Variants in ENPP2 observed in about 807,000 individuals in gnomAD.
ENPP2 encodes ectonucleotide pyrophosphatase/phosphodiesterase 2.
A neutral mutation model predicts 120.2 loss-of-function variants in ENPP2; 51 were observed. That is an observed-to-expected ratio of 0.42 (90% CI 0.34 to 0.54). The LOEUF is 0.54. Ranked by LOEUF, ENPP2 falls within the 20% of genes least tolerant of loss-of-function variation. ENPP2 has a pLI of 0.04. For missense variants in ENPP2, 920 were observed against 1,066.5 expected, an observed-to-expected ratio of 0.86 and a Z score of 1.91; for synonymous variants, 365 against 366.4, an observed-to-expected ratio of 1.00 and a Z score of 0.04.
rs530809989 is a variant in ENPP2, at chr8:119,574,694, G to C, written c.1781-3853C>G. Among the ~76,000 whole-genome samples, 4 of 152,148 alleles carry C rather than the reference G, an allele frequency of 2.6e-5. No individual in the cohort carries two copies. In the East Asian group the frequency reaches 7.7e-4, roughly 29 times the overall value. On this transcript the variant is annotated intron_variant, in intron 19 of 24. Transcript: ENST00000075322. ...TTCCCACAGATGAGCAGGCTGTCTTGAGAGCCACATGAAAATCTCTCCTCT... is the reference window on the plus strand; with the variant it reads ...TTCCCACAGATGAGCAGGCTGTCTTCAGAGCCACATGAAAATCTCTCCTCT...
At chr8:119,640,937 G>C (rs1023073448), upstream of ENPP2, among the ~76,000 whole-genome samples, 5 of 152,082 alleles carry the variant, frequency 3.3e-5, no homozygotes, top group Admixed American at 1.3e-4. Flanking sequence ...AATACAGACA[G>C]GGTTTCACCA....
At chr8:119,575,727 CTTG>C (rs1475532987) in intron 19 of ENPP2, among the ~76,000 whole-genome samples, 1 of 152,154 alleles carries the variant, frequency 6.6e-6, no homozygotes, top group Non-Finnish European at 1.5e-5. Context: ...TGTGAAGTGG[CTTG>C]TTTAGTTTTA....
intron 1 of ENPP2, among the ~76,000 whole-genome samples, chr8:119,658,513 A>T (rs1162074007): frequency 6.6e-6 from 1 of 152,232 alleles, no homozygotes; most frequent in Non-Finnish European, 1.5e-5. Flanking sequence ...AGTCAGGCAC[A>T]TCTAGGTTCA....
chr8:119,624,265 A>T (rs1050207833), intron 3 of ENPP2, among the ~76,000 whole-genome samples: 1 of 152,216 alleles, frequency 6.6e-6, no homozygotes, highest in Non-Finnish European at 1.5e-5. Context: ...AGGACAAGTC[A>T]GTCATCTGTG....
chr8:119,609,695 A>G (rs186918825), intron 8 of ENPP2, among the ~76,000 whole-genome samples: 1 of 152,146 alleles, frequency 6.6e-6, no homozygotes, highest in African/African-American at 2.4e-5. Context: ...AGTTCCTTAT[A>G]TTAAGGGATC....
At chr8:119,631,017 C>G (rs1261034270) in intron 2 of ENPP2, among the ~76,000 whole-genome samples, 1 of 150,908 alleles carries the variant, frequency 6.6e-6, no homozygotes, top group Admixed American at 6.6e-5. Context: ...GCCTCAGCCT[C>G]CCGAGTAGCT....
chr8:119,650,769 G>T (rs1243207441), intron 1 of ENPP2, among the ~76,000 whole-genome samples: 1 of 152,152 alleles, frequency 6.6e-6, no homozygotes, highest in Non-Finnish European at 1.5e-5. Flanking sequence ...GTTTGTCAGA[G>T]CAACTTGGCC....
chr8:119,650,920 G>A (rs1353307191), intron 1 of ENPP2, among the ~76,000 whole-genome samples: 1 of 151,988 alleles, frequency 6.6e-6, no homozygotes, highest in Non-Finnish European at 1.5e-5. Context: ...AGTTTGTGGG[G>A]CAGTTGTGAG....
In ENPP2 at chr8:119,564,896, C is replaced by T. The variant is rs765955147; in HGVS notation, c.2191G>A (p.Val731Ile). Residue 731 changes from valine (V) to isoleucine (I), a missense_variant, in exon 23 of 25, where the codon GTT (valine) becomes ATT (isoleucine). Coordinates refer to ENST00000075322, the MANE Select transcript of ENPP2 (RefSeq NM_001040092.3). ...AAGATTGGTCCACTTATCACGTTAA[C>T]TCCATTTCTTTCCGAAGCATATTTC... ...VKKYASERNG[V>I]NVISGPIFDY... 1 of 1,612,790 alleles carries T rather than the reference C, an allele frequency of 6.2e-7. No individual in the cohort carries two copies. Among genetic ancestry groups the T allele is most frequent in the Non-Finnish European group, 8.5e-7 (1 of 1,178,900 alleles).
rs189650544 is a variant in ENPP2 at position 119,562,846 on chromosome 8, T to C, written c.2421+11A>G. On this transcript the variant is annotated intron_variant, in intron 24 of 24. Coordinates refer to ENST00000075322, the MANE Select transcript of ENPP2 (RefSeq NM_001040092.3). The stretch of plus-strand genomic sequence containing the variant: ...GAAGCAAATCCTAAAGGACTCTCTC[T>C]GTAAACTCACATTGCAGCTCTCCTC... 13,877 of 1,613,142 alleles carry C rather than the reference T, an allele frequency of 8.6e-3. 80 individuals are homozygous for C. The highest frequency in any genetic ancestry group is 0.01 in the Non-Finnish European group (12,265 of 1,179,514).
upstream of ENPP2, among the ~76,000 whole-genome samples, chr8:119,640,450 T>A (rs1416832332): frequency 6.6e-6 from 1 of 152,208 alleles, no homozygotes; most frequent in Non-Finnish European, 1.5e-5. Flanking sequence ...TTTCATTATA[T>A]GCCACAGTGC....
intron 12 of ENPP2, among the ~76,000 whole-genome samples, chr8:119,593,486 A>G (rs1268960520): frequency 6.6e-6 from 1 of 152,250 alleles, no homozygotes; most frequent in Admixed American, 6.5e-5. Context: ...TGTTGCTTTA[A>G]AGAGAGACAG....
Position 119,618,132 on chromosome 8 carries a change from A to G in ENPP2, c.480-569T>C, listed in dbSNP as rs116020668. 4.0e-3 allele frequency: 1,376 copies of G among 348,034 alleles called. 17 individuals carry two copies. Among genetic ancestry groups the G allele is most frequent in the African/African-American group, 0.028 (1,296 of 46,624 alleles). 21.6% of individuals were successfully genotyped at this position (348,034 alleles called of 1,614,324 possible). A position where few individuals can be genotyped will look rare whatever the true frequency, so the allele number is the denominator to read the frequency against. On this transcript the variant is annotated intron_variant, in intron 5 of 24. Coordinates refer to ENST00000075322, the MANE Select transcript of ENPP2 (RefSeq NM_001040092.3). ...AAGTCATGAAACATTTCTGTTTTGT[A>G]ACAAATAACACAGTGACCTGTTATT...
chr8:119,621,546 C>A, intron 3 of ENPP2, 27 bp from the exon 4 acceptor site: 1 of 1,608,326 alleles, frequency 6.2e-7, no homozygotes, highest in South Asian at 1.1e-5. Context: ...AAAACATTTT[C>A]ACTGCTGCAC....
At chr8:119,592,109 T>G (rs934289058) in intron 12 of ENPP2, among the ~76,000 whole-genome samples, 4 of 152,134 alleles carry the variant, frequency 2.6e-5, no homozygotes, top group African/African-American at 9.7e-5. Flanking sequence ...GTGTATAGTG[T>G]CAGATAGCTG....
In ENPP2 at chr8:119,672,502, C is replaced by T. The variant is rs568795801; in HGVS notation, c.21+750G>A. Reference sequence around the variant, plus strand: ...TCTCCGCACCTGAAGACCGGCTGTGCCCACTGCCCCTGCGGACGCTCCCCA... The same window carrying T: ...TCTCCGCACCTGAAGACCGGCTGTGTCCACTGCCCCTGCGGACGCTCCCCA... On this transcript the variant is annotated intron_variant, in intron 1 of 25. Coordinates refer to the ENPP2 transcript ENST00000427067. Among the ~76,000 whole-genome samples, 6 of 152,264 alleles carry T rather than the reference C, an allele frequency of 3.9e-5. No homozygotes were observed. The South Asian group carries it at 1.2e-3, about 32-fold the overall frequency.
intron 12 of ENPP2, chr8:119,593,078 C>T (rs1271039391): frequency 2.9e-5 from 8 of 273,482 alleles, no homozygotes; most frequent in East Asian, 3.5e-4. Context: ...GTCTCTGAGC[C>T]CCCACCCCCT....
At chr8:119,617,324 C>T in intron 6 of ENPP2, 81 bp from the exon 7 acceptor site, 1 of 1,199,134 alleles carries the variant, frequency 8.3e-7, no homozygotes, top group Non-Finnish European at 1.2e-6. Flanking sequence ...AACACTCAGA[C>T]ATGTGTTACC....
chr8:119,653,222 A>G (rs1817674826), intron 1 of ENPP2, among the ~76,000 whole-genome samples: 1 of 152,154 alleles, frequency 6.6e-6, no homozygotes, highest in Non-Finnish European at 1.5e-5. Flanking sequence ...CACCCAACCA[A>G]TTCATTAATT....
Sources: gnomAD v4.1 joint callset for allele counts (sites outside exome capture counted in the v4.1 genomes callset) on GRCh38, gnomAD v4.1.1 for gene constraint, MANE v1.5 for transcripts, NCBI Gene and HGNC (gene_info 2026-07-23, HGNC 2026-07-21) for gene names.